The following SEMA3A variants were observed in gnomAD, a reference collection of about 807,000 sequenced individuals.
The protein encoded by SEMA3A is semaphorin-3A.
SEMA3A carries 29 observed loss-of-function variants against 97.9 expected under a neutral mutation model. The ratio of observed to expected loss-of-function variants is 0.30; its 90% CI spans 0.22 to 0.40. The LOEUF (loss-of-function observed/expected upper bound fraction) is 0.40, where lower values mean the gene tolerates loss of function less well. SEMA3A is among the 10% of genes least tolerant of loss of function. The probability of loss-of-function intolerance (pLI) is 1.00; values close to 1 mark genes in which losing one functional copy is unlikely to be tolerated. For synonymous variants in SEMA3A, 321 were observed against 323.7 expected (o/e 0.99, Z 0.09); for missense variants, 763 against 951.3 (o/e 0.80, Z 2.60).
intron 3 of SEMA3A, among the ~76,000 whole-genome samples, chr7:84,229,289 G>T (rs760107790): frequency 1.8e-4 from 27 of 152,076 alleles, no homozygotes; most frequent in Non-Finnish European, 3.5e-4. Context: ...ATTTTTAAAA[G>T]TTTAATATAA....
In SEMA3A at chr7:84,202,131, G is replaced by T. The variant is rs149417105; in HGVS notation, c.-82-7463C>A. Among the ~76,000 whole-genome samples, 592 of 151,906 alleles carry T rather than the reference G, an allele frequency of 3.9e-3. 9 individuals are homozygous for T. The highest frequency in any genetic ancestry group is 0.014 in the African/African-American group (568 of 41,428). On this transcript the variant is annotated intron_variant, in intron 3 of 3. Transcript: ENST00000424555. Reference sequence around the variant, plus strand: ...TCTCATTGTGTAACTTTGTTGAAATGATATTTGATATTTTTGATAGAATTG... The same window carrying T: ...TCTCATTGTGTAACTTTGTTGAAATTATATTTGATATTTTTGATAGAATTG...
At chr7:84,425,866 A>ACC (rs779252279) in intron 1 of SEMA3A, among the ~76,000 whole-genome samples, 2 of 119,894 alleles carry the variant, frequency 1.7e-5, no homozygotes, top group Non-Finnish European at 3.4e-5. Context: ...ACACACACAC[A>ACC]CACACACACA....
At chr7:84,144,266 CTCCAGCTCATT>C (rs1796401855) in intron 1 of SEMA3A, among the ~76,000 whole-genome samples, 1 of 151,990 alleles carries the variant, frequency 6.6e-6, no homozygotes, top group African/African-American at 2.4e-5. Flanking sequence ...CTGCAAATTC[CTCCAGCTCATT>C]TCCTCATTGT....
intron 6 of SEMA3A, among the ~76,000 whole-genome samples, chr7:84,045,626 T>C (rs1792318075): frequency 1.3e-5 from 2 of 151,872 alleles, no homozygotes; most frequent in Non-Finnish European, 2.9e-5. Context: ...TTTTCTGCTA[T>C]GCCAAAATTA....
At chr7:84,273,365 A>G (rs564083781) in intron 3 of SEMA3A, among the ~76,000 whole-genome samples, 2 of 152,246 alleles carry the variant, frequency 1.3e-5, no homozygotes, top group Admixed American at 1.3e-4. Flanking sequence ...ATTGTATTCA[A>G]ACTAAAAGTT....
chr7:84,178,256 A>G (rs1356751694), intron 1 of SEMA3A, among the ~76,000 whole-genome samples: 1 of 151,930 alleles, frequency 6.6e-6, no homozygotes, highest in Non-Finnish European at 1.5e-5. Flanking sequence ...TTTTTATAAC[A>G]CTTATTGTCT....
At chr7:83,985,353 A>C in intron 13 of SEMA3A, 83 bp downstream of exon 13, 2 of 965,514 alleles carry the variant, frequency 2.1e-6, no homozygotes, top group Non-Finnish European at 3.2e-6. Flanking sequence ...CAAATCTGTG[A>C]AATTTGATAA....
chr7:84,121,850 G>A (rs1795626458), intron 3 of SEMA3A, among the ~76,000 whole-genome samples: 1 of 46,694 alleles, frequency 2.1e-5, no homozygotes, highest in African/African-American at 8.1e-5. Flanking sequence ...CGTTTTAGCC[G>A]GGATGGTCTC....
chr7:84,279,343 A>C (rs1353682157), intron 3 of SEMA3A, among the ~76,000 whole-genome samples: 6 of 152,174 alleles, frequency 3.9e-5, no homozygotes. Context: ...AGGACATAGC[A>C]TCACTCTTGT....
At chr7:84,194,210 A>G (rs1463176757) in intron 1 of SEMA3A, among the ~76,000 whole-genome samples, 3 of 152,192 alleles carry the variant, frequency 2.0e-5, no homozygotes, top group Non-Finnish European at 4.4e-5. Context: ...AATAAGATAT[A>G]CAGATCAGCG....
intron 1 of SEMA3A, among the ~76,000 whole-genome samples, chr7:84,441,501 A>G (rs971321512): frequency 4.6e-5 from 7 of 151,940 alleles, no homozygotes; most frequent in African/African-American, 1.4e-4. Flanking sequence ...TTTTTGGTAT[A>G]AGGTGCTGAC....
intron 4 of SEMA3A, among the ~76,000 whole-genome samples, chr7:84,099,927 T>A (rs1227606432): frequency 6.6e-6 from 1 of 152,140 alleles, no homozygotes; most frequent in Non-Finnish European, 1.5e-5. Flanking sequence ...CAATAGTGGT[T>A]TTGTCTGTCT....
At chr7:84,043,125 C>T (rs1792209173) in intron 6 of SEMA3A, among the ~76,000 whole-genome samples, 1 of 151,828 alleles carries the variant, frequency 6.6e-6, no homozygotes, top group Admixed American at 6.6e-5. Context: ...CATTTAGAAA[C>T]CCTAAATTAG....
At chr7:84,381,436 C>T (rs1033049319) in intron 1 of SEMA3A, among the ~76,000 whole-genome samples, 1 of 152,072 alleles carries the variant, frequency 6.6e-6, no homozygotes, top group Non-Finnish European at 1.5e-5. Context: ...TTGTTTTGTC[C>T]CCAGTCATCT....
At chr7:84,376,249 G>A (rs188635041) in intron 1 of SEMA3A, among the ~76,000 whole-genome samples, 123 of 152,212 alleles carry the variant, frequency 8.1e-4, no homozygotes, top group African/African-American at 2.9e-3. Context: ...TTTTAGTTTT[G>A]TTGAGGAACT....
intron 16 of SEMA3A, 50 bp from the exon 17 acceptor site, chr7:83,961,876 T>C (rs761656663): frequency 2.7e-5 from 37 of 1,382,236 alleles, no homozygotes; most frequent in South Asian, 6.4e-5. Context: ...TTAAAAGAAA[T>C]AGAAGCTCTG....
chr7:84,328,879 T>C (rs1051433627), intron 2 of SEMA3A, among the ~76,000 whole-genome samples: 2 of 152,040 alleles, frequency 1.3e-5, no homozygotes, highest in Non-Finnish European at 2.9e-5. Context: ...CACAGGGTTA[T>C]ACAAAGTCTC....
At chr7:84,353,651 T>C (rs1213986467) in intron 2 of SEMA3A, among the ~76,000 whole-genome samples, 2 of 151,684 alleles carry the variant, frequency 1.3e-5, no homozygotes, top group South Asian at 2.1e-4. Context: ...GAAGAAAAAG[T>C]GTTTCATTTT....
intron 2 of SEMA3A, among the ~76,000 whole-genome samples, chr7:84,330,265 T>C (rs1303892681): frequency 6.6e-6 from 1 of 152,016 alleles, no homozygotes; most frequent in African/African-American, 2.4e-5. Flanking sequence ...CTTTAAAAAA[T>C]AGATCTCATT....
Sources: allele counts gnomAD v4.1 joint callset (sites outside exome capture counted in the v4.1 genomes callset), GRCh38; gene constraint gnomAD v4.1.1; transcripts MANE v1.5; gene names NCBI Gene and HGNC (gene_info 2026-07-23, HGNC 2026-07-21).